The following COPS5 variants were observed in gnomAD, a reference collection of about 807,000 sequenced individuals.
COPS5 encodes the protein COP9 signalosome subunit 5.
COPS5 carries 8 observed loss-of-function variants against 44.4 expected under a neutral mutation model. The observed-to-expected ratio is 0.18, with a 90% CI of 0.11 to 0.32. COPS5 has a LOEUF of 0.32. COPS5 is among the 10% of genes least tolerant of loss of function. The pLI, the probability that COPS5 is intolerant of heterozygous loss-of-function variation, is 1.00. For synonymous variants in COPS5, 122 were observed against 142.8 expected (o/e 0.85, Z 1.04); for missense variants, 159 against 406.4 (o/e 0.39, Z 5.23).
Position 67,045,748 on chromosome 8 carries a change from T to C in COPS5, c.920+64A>G, listed in dbSNP as rs912681593. ...GCCATAAGGAATCTGAATACTACTA[T>C]TGTTTGCAAATTTTGAAAGAAAAAG... On this transcript the variant is annotated intron_variant, in intron 7 of 7. Transcript: ENST00000357849. 7.1e-6 allele frequency: 11 copies of C among 1,544,244 alleles called. No homozygotes were observed. The East Asian group carries it at 1.1e-4, about 16-fold the overall frequency.
At chr8:67,060,426 C>T in intron 1 of COPS5, 2 of 1,286,946 alleles carry the variant, frequency 1.6e-6, no homozygotes, top group Non-Finnish European at 2.0e-6. Flanking sequence ...AGATGTCTGC[C>T]CACAGAAAGA....
chr8:67,054,399 T>A (rs906540674), intron 5 of COPS5, among the ~76,000 whole-genome samples: 2 of 152,156 alleles, frequency 1.3e-5, no homozygotes, highest in Non-Finnish European at 2.9e-5. Flanking sequence ...TTAGGAGCAA[T>A]TCTCTCAAAC....
Position 67,059,196 on chromosome 8 carries a change from A to C in COPS5, c.378+15T>G, listed in dbSNP as rs1804552998. On this transcript the variant is annotated intron_variant, in intron 2 of 7. Coordinates refer to ENST00000357849, the MANE Select transcript of COPS5 (RefSeq NM_006837.3). The stretch of plus-strand genomic sequence containing the variant: ...TAACTTGCAATTACTAAACTATAAG[A>C]AACAACATTTTTACCTGTTTTGCAT... 3 of 1,599,938 alleles carry C rather than the reference A, an allele frequency of 1.9e-6. No individual in the cohort carries two copies. The Admixed American group carries it at 5.0e-5, about 27-fold the overall frequency.
chr8:67,060,488 TG>T (rs1453945549), intron 1 of COPS5: 4 of 1,289,504 alleles, frequency 3.1e-6, no homozygotes, highest in Non-Finnish European at 4.0e-6. Flanking sequence ...AGCTGAAAAA[TG>T]TGTAGACCTC....
At chr8:67,047,329 A>G (rs1344823444) in intron 6 of COPS5, among the ~76,000 whole-genome samples, 2 of 152,194 alleles carry the variant, frequency 1.3e-5, no homozygotes, top group Non-Finnish European at 2.9e-5. Context: ...TTTTTAAAAG[A>G]TGCAATTATA....
intron 4 of COPS5, 90 bp downstream of exon 4, chr8:67,057,290 A>G: frequency 2.6e-6 from 2 of 765,282 alleles, no homozygotes; most frequent in Non-Finnish European, 4.2e-6. Context: ...TGAAGGCTGT[A>G]GTACACTATG....
In COPS5 at chr8:67,057,459, A is replaced by G. The variant is rs1804530451; in HGVS notation, c.508-14T>C. 6.4e-7 allele frequency: 1 copy of G among 1,564,634 alleles called. No homozygotes were observed. Among genetic ancestry groups the G allele is most frequent in the Non-Finnish European group, 8.8e-7 (1 of 1,139,950 alleles). On this transcript the variant is annotated splice_polypyrimidine_tract_variant and intron_variant, in intron 3 of 7. Transcript: ENST00000357849. Reference sequence around the variant, plus strand: ...TGTTGGATCAATCTATAAGAAAGATATATTTAATATCTGCTGATATAAAAC... The same window carrying G: ...TGTTGGATCAATCTATAAGAAAGATGTATTTAATATCTGCTGATATAAAAC...
rs1804642576 is a variant in COPS5, at chr8:67,061,775, T to C, written c.143+79A>G. 3 of 1,469,586 alleles carry C rather than the reference T, an allele frequency of 2.0e-6. No individual in the cohort carries two copies. The South Asian group carries it at 3.5e-5, about 17-fold the overall frequency. The allele number at this position is 1,469,586 out of a possible 1,614,324, so 91.0% of individuals were successfully genotyped here. ...CCAGTCGGTGAAAGCTCTTCACCCCTTTCACCTCCCTCTCCCTCTGGGTCT... is the reference window on the plus strand; with the variant it reads ...CCAGTCGGTGAAAGCTCTTCACCCCCTTCACCTCCCTCTCCCTCTGGGTCT... On this transcript the variant is annotated intron_variant, in intron 1 of 7. Coordinates refer to ENST00000357849, the MANE Select transcript of COPS5 (RefSeq NM_006837.3).
chr8:67,061,479 G>T (rs2129538070), intron 1 of COPS5: 1 of 432,430 alleles, frequency 2.3e-6, no homozygotes, highest in South Asian at 1.7e-5. Flanking sequence ...ACCTTGGGCT[G>T]CTGACTCGAT....
intron 6 of COPS5, chr8:67,047,920 C>T (rs745633440): frequency 6.1e-5 from 43 of 702,216 alleles, no homozygotes; most frequent in Non-Finnish European, 8.3e-5. Flanking sequence ...GCATGTAACA[C>T]ATATTTGCTA....
chr8:67,061,437 A>G (rs779316879), intron 1 of COPS5: 1 of 445,518 alleles, frequency 2.2e-6, no homozygotes. Context: ...TAAAAAAAAA[A>G]GAAAAGAAAA....
chr8:67,057,991 T>C, intron 3 of COPS5, 92 bp downstream of exon 3: 3 of 1,371,118 alleles, frequency 2.2e-6, no homozygotes, highest in South Asian at 2.6e-5. Flanking sequence ...ACCAGAGCAA[T>C]TTCTCTTTAC....
At chr8:67,057,610 A>C (rs573635838) in intron 3 of COPS5, among the ~76,000 whole-genome samples, 165 bp from the exon 4 acceptor site, 1 of 152,224 alleles carries the variant, frequency 6.6e-6, no homozygotes, top group Non-Finnish European at 1.5e-5. Flanking sequence ...AGGGTAATAT[A>C]AGTGTCTCAC....
chr8:67,058,707 T>A (rs535615293), intron 2 of COPS5, among the ~76,000 whole-genome samples: 13 of 151,514 alleles, frequency 8.6e-5, no homozygotes, highest in African/African-American at 1.7e-4. Context: ...AAAAAAAAAA[T>A]AAAATCCATG....
chr8:67,052,521 G>A (rs537911858), intron 5 of COPS5, among the ~76,000 whole-genome samples: 320 of 150,834 alleles, frequency 2.1e-3, no homozygotes, highest in Admixed American at 3.8e-3. Context: ...GGGTTCAAGC[G>A]ATTCTCCTGC....
Position 67,056,599 on chromosome 8 carries a change from G to A in COPS5, c.579C>T (p.Tyr193=). 1 of 1,228,778 alleles carries A rather than the reference G, an allele frequency of 8.1e-7. No individual in the cohort carries two copies. The highest frequency in any genetic ancestry group is 1.1e-6 in the Non-Finnish European group (1 of 931,250). The allele number at this position is 1,228,778 out of a possible 1,614,324, so 76.1% of individuals were successfully genotyped here. The change falls in exon 5 of 8, where the codon TAC becomes TAT. Residue 193 remains tyrosine (Y), a synonymous_variant. Coordinates refer to ENST00000357849, the MANE Select transcript of COPS5 (RefSeq NM_006837.3). ...LGAFRTYPKG[Y]KPPDEGPSEY... ...CAGAAGGTCCTTCATCAGGAGGTTTGTAGCCCTAAACAAAAATGAGGTAAA... is the reference window on the plus strand; with the variant it reads ...CAGAAGGTCCTTCATCAGGAGGTTTATAGCCCTAAACAAAAATGAGGTAAA...
chr8:67,056,031 A>C (rs1354529802), intron 5 of COPS5, among the ~76,000 whole-genome samples: 1 of 152,192 alleles, frequency 6.6e-6, no homozygotes, highest in Non-Finnish European at 1.5e-5. Flanking sequence ...CAGACATGCT[A>C]GTGTCAGCTG....
chr8:67,056,481 C>T (rs766970542), intron 5 of COPS5, 38 bp downstream of exon 5: 39 of 759,288 alleles, frequency 5.1e-5, no homozygotes, highest in Non-Finnish European at 8.4e-5. Context: ...AGGTGTGAGT[C>T]ACCGTGCCTG....
At chr8:67,061,755 C>G in intron 1 of COPS5, 99 bp downstream of exon 1, 1 of 1,197,760 alleles carries the variant, frequency 8.3e-7, no homozygotes, top group South Asian at 1.3e-5. Flanking sequence ...CCCTCCCAGT[C>G]GGTGAAAGCT....
Sources: allele counts gnomAD v4.1 joint callset (sites outside exome capture counted in the v4.1 genomes callset), GRCh38; gene constraint gnomAD v4.1.1; transcripts MANE v1.5; gene names NCBI Gene and HGNC (gene_info 2026-07-23, HGNC 2026-07-21).